The following B3GALT1 variants were observed in gnomAD, a reference collection of about 807,000 sequenced individuals.
B3GALT1 encodes the protein beta-1,3-galactosyltransferase 1.
Under a neutral mutation model 23.2 loss-of-function variants are expected in B3GALT1, and 10 were observed. That is an observed-to-expected ratio of 0.43 (90% CI 0.27 to 0.73). The LOEUF (loss-of-function observed/expected upper bound fraction) is 0.73, where lower values mean the gene tolerates loss of function less well. Ranked by LOEUF, B3GALT1 falls within the 30% of genes least tolerant of loss-of-function variation. The pLI is 0.21. For synonymous variants in B3GALT1, 156 were observed against 141.5 expected (o/e 1.10, Z -0.73); for missense variants, 299 against 405.4 (o/e 0.74, Z 2.25).
intron 2 of B3GALT1, among the ~76,000 whole-genome samples, chr2:167,542,210 T>C (rs1416427376): frequency 6.6e-6 from 1 of 152,130 alleles, no homozygotes; most frequent in Non-Finnish European, 1.5e-5. Flanking sequence ...GGAAAGGACC[T>C]GTCCTTTCAT....
At chr2:167,378,815 T>C (rs1697801137) in intron 1 of B3GALT1, among the ~76,000 whole-genome samples, 1 of 152,172 alleles carries the variant, frequency 6.6e-6, no homozygotes, top group Non-Finnish European at 1.5e-5. Context: ...TTATCTGTCA[T>C]TTCTGAGTTT....
chr2:167,450,242 AT>A (rs1699067293), intron 1 of B3GALT1, among the ~76,000 whole-genome samples: 10 of 150,748 alleles, frequency 6.6e-5, no homozygotes, highest in African/African-American at 1.9e-4. Flanking sequence ...TTTGTTGGCA[AT>A]TTTTTTTATT....
At chr2:167,809,104 G>A (rs577774408) in intron 3 of B3GALT1, among the ~76,000 whole-genome samples, 8 of 152,130 alleles carry the variant, frequency 5.3e-5, no homozygotes, top group African/African-American at 1.9e-4. Flanking sequence ...CATTCGTCAC[G>A]TAGTCCTCGT....
intron 3 of B3GALT1, among the ~76,000 whole-genome samples, chr2:167,764,449 A>G (rs966530951): frequency 6.6e-6 from 1 of 152,220 alleles, no homozygotes; most frequent in Non-Finnish European, 1.5e-5. Flanking sequence ...ACTGAATCCC[A>G]GAGACATAAA....
intron 2 of B3GALT1, among the ~76,000 whole-genome samples, chr2:167,532,875 T>C (rs1437690028): frequency 4.0e-5 from 6 of 149,680 alleles, no homozygotes; most frequent in Non-Finnish European, 5.9e-5. Flanking sequence ...TTTTTTTTTT[T>C]TGGGAGACAG....
intron 4 of B3GALT1, among the ~76,000 whole-genome samples, chr2:167,867,911 G>A (rs1309710060): frequency 6.6e-6 from 1 of 152,180 alleles, no homozygotes; most frequent in East Asian, 1.9e-4. Context: ...ACCAGCTGAA[G>A]TCTCCATCAC....
At chr2:167,326,775 C>T (rs761445389) in intron 1 of B3GALT1, among the ~76,000 whole-genome samples, 3 of 152,030 alleles carry the variant, frequency 2.0e-5, no homozygotes, top group East Asian at 3.9e-4. Context: ...CTGCAACCTC[C>T]GCCTCCCGGG....
intron 2 of B3GALT1, among the ~76,000 whole-genome samples, chr2:167,573,490 A>C (rs897227988): frequency 1.3e-5 from 2 of 151,744 alleles, no homozygotes; most frequent in South Asian, 2.1e-4. Context: ...CCAGAATATT[A>C]AAGAATGATG....
chr2:167,561,693 G>A (rs550659673), intron 2 of B3GALT1, among the ~76,000 whole-genome samples: 27 of 152,128 alleles, frequency 1.8e-4, no homozygotes, highest in Admixed American at 9.2e-4. Flanking sequence ...CGCAAATAAA[G>A]TAGAAAATCT....
chr2:167,721,560 AC>A (rs1687236409), intron 3 of B3GALT1, among the ~76,000 whole-genome samples: 1 of 152,206 alleles, frequency 6.6e-6, no homozygotes, highest in South Asian at 2.1e-4. Flanking sequence ...GAACACAGAC[AC>A]CAGCTAGAAA....
rs930935894 is a variant in B3GALT1 at position 167,653,123 on chromosome 2, C to T, written c.-352+6157C>T. The stretch of plus-strand genomic sequence containing the variant: ...AATATGTACATATGTTAAATGCCAA[C>T]GATAGTAAAAGCACATAAAGAAGAC... On this transcript the variant is annotated intron_variant, in intron 3 of 4. Coordinates refer to ENST00000392690, the MANE Select transcript of B3GALT1 (RefSeq NM_020981.4). Among the ~76,000 whole-genome samples, 24 of 151,754 alleles carry T rather than the reference C, an allele frequency of 1.6e-4. 1 individual carries two copies. The highest frequency in any genetic ancestry group is 1.3e-4 in the Admixed American group (2 of 15,250).
intron 2 of B3GALT1, among the ~76,000 whole-genome samples, chr2:167,514,384 A>C (rs1416219164): frequency 6.6e-6 from 1 of 152,176 alleles, no homozygotes; most frequent in Non-Finnish European, 1.5e-5. Context: ...AATGACATTA[A>C]TTTTTGAACA....
intron 2 of B3GALT1, among the ~76,000 whole-genome samples, chr2:167,578,239 T>C (rs1684418816): frequency 6.6e-6 from 1 of 151,960 alleles, no homozygotes; most frequent in East Asian, 1.9e-4. Flanking sequence ...AAGAGGGACA[T>C]ACCCAAATCA....
chr2:167,621,306 G>A (rs1391224533), intron 2 of B3GALT1, among the ~76,000 whole-genome samples: 3 of 151,646 alleles, frequency 2.0e-5, no homozygotes, highest in Non-Finnish European at 2.9e-5. Context: ...GGCTGGTCTC[G>A]AACTCCTAAG....
intron 1 of B3GALT1, among the ~76,000 whole-genome samples, chr2:167,341,394 G>C (rs1312419972): frequency 6.6e-6 from 1 of 152,176 alleles, no homozygotes; most frequent in Non-Finnish European, 1.5e-5. Flanking sequence ...GCGTGTGGTG[G>C]CTCATACCTG....
At chr2:167,573,209 T>C (rs1454872431) in intron 2 of B3GALT1, among the ~76,000 whole-genome samples, 1 of 151,742 alleles carries the variant, frequency 6.6e-6, no homozygotes, top group Non-Finnish European at 1.5e-5. Context: ...AGATAAAAGC[T>C]CTTTTAACCA....
chr2:167,675,447 T>C (rs1003571958), intron 3 of B3GALT1, among the ~76,000 whole-genome samples: 3 of 152,140 alleles, frequency 2.0e-5, no homozygotes, highest in African/African-American at 2.4e-5. Context: ...AGGAAAAATA[T>C]ATAAATGCCT....
intron 3 of B3GALT1, among the ~76,000 whole-genome samples, chr2:167,677,860 T>C (rs1412706415): frequency 6.6e-6 from 1 of 152,116 alleles, no homozygotes; most frequent in East Asian, 1.9e-4. Context: ...CAGGTCCTTA[T>C]TCAAATGGTG....
chr2:167,564,191 C>T (rs1016773722), intron 2 of B3GALT1, among the ~76,000 whole-genome samples: 7 of 150,360 alleles, frequency 4.7e-5, no homozygotes, highest in South Asian at 4.2e-4. Context: ...TCAGACGGGG[C>T]GGCCGGGCAG....
Sources: gnomAD v4.1 joint callset for allele counts (sites outside exome capture counted in the v4.1 genomes callset) on GRCh38, gnomAD v4.1.1 for gene constraint, MANE v1.5 for transcripts, NCBI Gene and HGNC (gene_info 2026-07-23, HGNC 2026-07-21) for gene names.